The following CACNA2D3 variants were observed in gnomAD, a reference collection of about 807,000 sequenced individuals.
The protein encoded by CACNA2D3 is calcium voltage-gated channel auxiliary subunit alpha2delta 3, also known as voltage-dependent calcium channel subunit alpha-2/delta-3.
In CACNA2D3, 60 loss-of-function variants were observed where a neutral mutation model predicts 160.6. The observed-to-expected ratio is 0.37, with a 90% CI of 0.30 to 0.46. The LOEUF is 0.46. Among genes scored for constraint, CACNA2D3 ranks in the 20% least tolerant of loss-of-function variants. The pLI is 1.00. For missense variants in CACNA2D3, 1,205 were observed against 1,365.0 expected (o/e 0.88, Z 1.85); for synonymous variants, 558 against 492.9 (o/e 1.13, Z -1.75).
At chr3:54,638,160 G>T (rs1204515341) in intron 10 of CACNA2D3, 2 of 151,970 alleles carry the variant, frequency 1.3e-5, no homozygotes, top group African/African-American at 2.4e-5. Flanking sequence ...TTTATTTAAT[G>T]TCGGGAGCAG....
chr3:55,015,688 A>G (rs1278646066), intron 34 of CACNA2D3, among the ~76,000 whole-genome samples: 1 of 152,204 alleles, frequency 6.6e-6, no homozygotes, highest in African/African-American at 2.4e-5. Flanking sequence ...AATCAGAACC[A>G]TGAAAATAAA....
At chr3:54,269,661 G>T (rs1395986398) in intron 2 of CACNA2D3, among the ~76,000 whole-genome samples, 1 of 152,216 alleles carries the variant, frequency 6.6e-6, no homozygotes, top group African/African-American at 2.4e-5. Flanking sequence ...TGGGGATGCA[G>T]ACAGTGGCCA....
At chr3:54,918,995 C>CA in intron 27 of CACNA2D3, 2 of 707,920 alleles carry the variant, frequency 2.8e-6, no homozygotes, top group Non-Finnish European at 4.1e-6. Context: ...TATGAAGTAC[C>CA]TTTTTTTTTT....
chr3:54,464,501 G>A (rs1282061722), intron 4 of CACNA2D3, among the ~76,000 whole-genome samples: 17 of 152,320 alleles, frequency 1.1e-4, no homozygotes, highest in South Asian at 2.1e-4. Context: ...CCCCAGCCTC[G>A]CTGCCACCTT....
intron 8 of CACNA2D3, among the ~76,000 whole-genome samples, chr3:54,578,643 G>A (rs1445925661): frequency 2.0e-5 from 3 of 152,256 alleles, no homozygotes; most frequent in African/African-American, 7.2e-5. Flanking sequence ...TTATCCTGAT[G>A]CAGTCAAGGG....
At chr3:55,026,768 T>C (rs796256282) in intron 35 of CACNA2D3, among the ~76,000 whole-genome samples, 1 of 152,150 alleles carries the variant, frequency 6.6e-6, no homozygotes, top group African/African-American at 2.4e-5. Flanking sequence ...GCCCTTTTGA[T>C]CCTGTCAAAG....
At chr3:54,214,412 G>A (rs1025070810) in intron 2 of CACNA2D3, among the ~76,000 whole-genome samples, 1 of 152,060 alleles carries the variant, frequency 6.6e-6, no homozygotes, top group African/African-American at 2.4e-5. Context: ...CACAACCTTC[G>A]AGGGAGACAA....
chr3:55,068,497 A>G (rs939266534), intron 35 of CACNA2D3, among the ~76,000 whole-genome samples: 2 of 152,192 alleles, frequency 1.3e-5, no homozygotes, highest in Non-Finnish European at 2.9e-5. Context: ...CTTAAGTGCT[A>G]TCTATACCTA....
chr3:55,012,863 C>T (rs1347976643), intron 34 of CACNA2D3, among the ~76,000 whole-genome samples: 2 of 152,074 alleles, frequency 1.3e-5, no homozygotes, highest in African/African-American at 4.8e-5. Flanking sequence ...GGTCTGTGCA[C>T]CCATGACGTT....
intron 4 of CACNA2D3, among the ~76,000 whole-genome samples, chr3:54,434,871 G>A (rs1700038670): frequency 6.6e-6 from 1 of 152,160 alleles, no homozygotes. Context: ...TTGCATCTGT[G>A]CTAGGCGGCC....
At chr3:54,322,812 T>C (rs189263860) in intron 3 of CACNA2D3, among the ~76,000 whole-genome samples, 1 of 150,962 alleles carries the variant, frequency 6.6e-6, no homozygotes, top group African/African-American at 2.5e-5. Context: ...GTTAAATTAG[T>C]GAAGATAAAA....
At chr3:54,291,456 T>C (rs1490273978) in intron 2 of CACNA2D3, among the ~76,000 whole-genome samples, 2 of 152,198 alleles carry the variant, frequency 1.3e-5, no homozygotes, top group Admixed American at 6.6e-5. Context: ...TTCATATTGG[T>C]GAAAGCGCAA....
chr3:54,828,135 C>T (rs1281883584), intron 14 of CACNA2D3, among the ~76,000 whole-genome samples: 1 of 152,162 alleles, frequency 6.6e-6, no homozygotes, highest in Non-Finnish European at 1.5e-5. Flanking sequence ...GGTCTTTAAA[C>T]AAGGAGAAGG....
chr3:54,275,012 C>G (rs1003451505), intron 2 of CACNA2D3, among the ~76,000 whole-genome samples: 2 of 152,218 alleles, frequency 1.3e-5, no homozygotes, highest in African/African-American at 4.8e-5. Flanking sequence ...GCATAAAGAC[C>G]AGGAGGCAGG....
At chr3:54,736,444 A>T (rs1701534264) in intron 11 of CACNA2D3, among the ~76,000 whole-genome samples, 1 of 152,072 alleles carries the variant, frequency 6.6e-6, no homozygotes, top group Non-Finnish European at 1.5e-5. Flanking sequence ...TCCTAGAAGT[A>T]GGATTGCTGT....
chr3:54,618,826 A>T (rs1296736140), intron 9 of CACNA2D3, among the ~76,000 whole-genome samples: 3 of 152,180 alleles, frequency 2.0e-5, no homozygotes, highest in African/African-American at 7.2e-5. Flanking sequence ...TCAGCATCAC[A>T]TTCCCCCTGG....
At chr3:54,165,455 A>G (rs1700433854) in intron 2 of CACNA2D3, among the ~76,000 whole-genome samples, 1 of 151,960 alleles carries the variant, frequency 6.6e-6, no homozygotes, top group Admixed American at 6.6e-5. Context: ...CTCCTTTGAT[A>G]TTGGGACAGC....
intron 11 of CACNA2D3, among the ~76,000 whole-genome samples, chr3:54,739,454 C>CACA (rs1701600912): frequency 6.5e-5 from 9 of 137,486 alleles, no homozygotes; most frequent in African/African-American, 2.4e-4. Context: ...AAAAAAAAAA[C>CACA]CACACACACA....
chr3:54,475,809 T>TTGTGTGTGTGTGTGTGTG (rs3030044), intron 4 of CACNA2D3, among the ~76,000 whole-genome samples: 29,946 of 142,502 alleles, frequency 0.21, 3,267 homozygotes, highest in Middle Eastern at 0.23. Flanking sequence ...TGGTTACCAT[T>TTGTGTGTGTGTGTGTGTG]TGTGTGTGTG....
Sources: allele counts gnomAD v4.1 joint callset (sites outside exome capture counted in the v4.1 genomes callset), GRCh38; gene constraint gnomAD v4.1.1; transcripts MANE v1.5; gene names NCBI Gene and HGNC (gene_info 2026-07-23, HGNC 2026-07-21).